RBBP7: variants seen among roughly 807,000 people sequenced by gnomAD.
RBBP7 encodes the protein RB binding protein 7, chromatin remodeling factor.
In RBBP7, 5 loss-of-function variants were observed where a neutral mutation model predicts 35.2. The observed-to-expected ratio is 0.14, with a 90% CI of 0.07 to 0.30. RBBP7 has a LOEUF of 0.30. RBBP7 is among the 10% of genes least tolerant of loss of function. The probability of loss-of-function intolerance (pLI) is 1.00; values close to 1 mark genes in which losing one functional copy is unlikely to be tolerated. For missense variants in RBBP7, 155 were observed against 327.5 expected (o/e 0.47, Z 4.07); for synonymous variants, 140 against 118.7 (o/e 1.18, Z -1.17).
intron 6 of RBBP7, chrX:16,853,124 G>A: frequency 2.6e-6 from 1 of 386,522 alleles, no homozygotes; most frequent in Non-Finnish European, 4.4e-6. Flanking sequence ...TATTTCAAGT[G>A]TACACAAAAT....
intron 1 of RBBP7, chrX:16,869,594 C>G: frequency 8.6e-7 from 1 of 1,165,928 alleles, no homozygotes; most frequent in South Asian, 1.9e-5. Flanking sequence ...CTCTCCAATC[C>G]CCATCAGGGG....
chrX:16,856,542 AAAC>A lies in RBBP7; in HGVS notation c.597+1049_597+1051del, dbSNP rs79869612. On this transcript the variant is annotated intron_variant, in intron 5 of 11. Transcript: ENST00000380087. ...CAGACTCCGTCTCAAAAAACAAACA[AAAC>A]AACAACAACAACAACAACAACAAAA... 6.8e-4 allele frequency among the ~76,000 whole-genome samples: 73 copies of A among 106,899 alleles called. 1 individual carries two copies. The highest frequency in any genetic ancestry group is 1.3e-3 in the African/African-American group (40 of 29,799). The allele number at this position is 106,899 out of a possible 115,157, so 92.8% of individuals were successfully genotyped here.
At position 16,869,342 on chromosome X, in the gene RBBP7, G is replaced by C. The variant is rs189262734; in HGVS notation, c.17-122C>G. 1.3e-4 allele frequency: 142 copies of C among 1,060,525 alleles called. 1 individual carries two copies. In the East Asian group the frequency reaches 3.6e-3, roughly 27 times the overall value. 87.4% of individuals were successfully genotyped at this position (1,060,525 alleles called of 1,213,427 possible). A position where few individuals can be genotyped will look rare whatever the true frequency, so the allele number is the denominator to read the frequency against. On this transcript the variant is annotated intron_variant, in intron 1 of 11. Coordinates refer to ENST00000380087, the MANE Select transcript of RBBP7 (RefSeq NM_002893.4). Reference sequence around the variant, plus strand: ...TTCCTTTTACCTCTAATTTGGACACGGACAACTAACTGCTCTTCCAGAAGG... The same window carrying C: ...TTCCTTTTACCTCTAATTTGGACACCGACAACTAACTGCTCTTCCAGAAGG...
chrX:16,846,212 C>A, intron 10 of RBBP7: 1 of 215,603 alleles, frequency 4.6e-6, no homozygotes, highest in African/African-American at 2.9e-5. Flanking sequence ...TATCCATGAG[C>A]CTATACAATG....
intron 1 of RBBP7, chrX:16,869,496 G>C (rs1930715076): frequency 8.6e-7 from 1 of 1,166,997 alleles, no homozygotes; most frequent in African/African-American, 1.8e-5. Context: ...GTTCGCACCT[G>C]TTCTAAGATG....
intron 5 of RBBP7, among the ~76,000 whole-genome samples, chrX:16,855,906 G>A (rs2147519789): frequency 1.0e-5 from 1 of 98,156 alleles, no homozygotes; most frequent in African/African-American, 3.8e-5. Context: ...CTGAGGTAGA[G>A]AACCACTAGA....
intron 4 of RBBP7, 150 bp from the exon 5 acceptor site, chrX:16,857,859 C>T (rs1049739945): frequency 1.6e-5 from 13 of 830,163 alleles, no homozygotes; most frequent in African/African-American, 1.5e-4. Context: ...GCCTCATGAC[C>T]ATTAGATGAT....
In RBBP7 at chrX:16,853,743, C is replaced by A; in HGVS notation, c.697G>T (p.Ala233Ser). The A allele has an allele frequency of 8.4e-7, 1 of 1,192,579 alleles. No individual in the cohort carries two copies. Among genetic ancestry groups the A allele is most frequent in the Non-Finnish European group, 1.1e-6 (1 of 887,370 alleles). Residue 233 changes from alanine (A) to serine (S), a missense_variant, in exon 6 of 12, where the codon GCC becomes TCC. Ala to Ser is a moderately conservative substitution (Grantham distance 99, BLOSUM62 1). Transcript: ENST00000380087. ...AATGACTCGTGCAGCAGGTGCCAGGCCACATCCTCTACAACAGCTGAGTGG... is the reference window on the plus strand; with the variant it reads ...AATGACTCGTGCAGCAGGTGCCAGGACACATCCTCTACAACAGCTGAGTGG... ...TGHSAVVEDV[A>S]WHLLHESLFG...
chrX:16,846,169 A>AT (rs1291622653), intron 10 of RBBP7: 4 of 357,623 alleles, frequency 1.1e-5, no homozygotes, highest in Non-Finnish European at 1.7e-5. Context: ...CTTTACCTAG[A>AT]TTCACCAAGT....
intron 1 of RBBP7, 164 bp downstream of exon 1, chrX:16,869,874 G>A (rs113369180): frequency 3.8e-5 from 31 of 821,031 alleles, no homozygotes; most frequent in Non-Finnish European, 4.5e-5. Flanking sequence ...TCGGCGCGGC[G>A]GTCCCGTCCC....
intron 9 of RBBP7, among the ~76,000 whole-genome samples, chrX:16,850,876 A>T (rs1352629077): frequency 8.9e-6 from 1 of 112,211 alleles, no homozygotes; most frequent in Admixed American, 9.5e-5. Flanking sequence ...AGGCGGGAGA[A>T]TCACGTGGGG....
Position 16,857,862 on chromosome X carries a change from T to C in RBBP7, c.482-153A>G, listed in dbSNP as rs191601275. On this transcript the variant is annotated intron_variant, in intron 4 of 11. Coordinates refer to ENST00000380087, the MANE Select transcript of RBBP7 (RefSeq NM_002893.4). ...AATGCAAATTGAGCCTCATGACCATTAGATGATTGGTTTCTTTGGAAAACC... is the reference window on the plus strand; with the variant it reads ...AATGCAAATTGAGCCTCATGACCATCAGATGATTGGTTTCTTTGGAAAACC... 2.7e-5 allele frequency among the ~76,000 whole-genome samples: 3 copies of C among 112,008 alleles called. No individual in the cohort carries two copies. The Admixed American group carries it at 2.8e-4, about 11-fold the overall frequency.
intron 3 of RBBP7, among the ~76,000 whole-genome samples, chrX:16,859,340 G>A (rs980332406): frequency 1.8e-5 from 2 of 111,914 alleles, no homozygotes; most frequent in Non-Finnish European, 3.8e-5. Flanking sequence ...AGAAACCCAC[G>A]CTAACCCCTA....
chrX:16,857,494 TTA>T, intron 5 of RBBP7, 98 bp downstream of exon 5: 3 of 1,129,950 alleles, frequency 2.7e-6, no homozygotes, highest in Non-Finnish European at 3.5e-6. Flanking sequence ...ATCAGCAGTA[TTA>T]TCTTAGAAAA....
In RBBP7 at chrX:16,844,453, C is replaced by T. The variant is rs1277123217; in HGVS notation, c.*582G>A. ...AAAGACATTTTGTAGAGATTTTTCA[C>T]TAATGTGAATCTGATTTTATCTACT... On this transcript the variant is annotated 3_prime_UTR_variant, in exon 12 of 12. Transcript: ENST00000380087. The T allele has an allele frequency of 1.8e-5, 2 of 111,766 alleles. No individual in the cohort carries two copies. The highest frequency in any genetic ancestry group is 6.5e-5 in the African/African-American group (2 of 30,676). 9.2% of individuals were successfully genotyped at this position (111,766 alleles called of 1,213,427 possible).
At position 16,852,837 on chromosome X, in the gene RBBP7, T is replaced by C; in HGVS notation, c.797A>G (p.His266Arg). 1 of 1,211,796 alleles carries C rather than the reference T, an allele frequency of 8.3e-7. No homozygotes were observed. Among genetic ancestry groups the C allele is most frequent in the Non-Finnish European group, 1.1e-6 (1 of 895,575 alleles). ...TTCGGCAGTGTGCGCATCCACCAAGTGACTCGGCTTGGAGGTGGTATTGGA... is the reference window on the plus strand; with the variant it reads ...TTCGGCAGTGTGCGCATCCACCAAGCGACTCGGCTTGGAGGTGGTATTGGA... The part of the protein sequence containing the change: ...TRSNTTSKPS[H>R]LVDAHTAEVN... Residue 266 changes from histidine to arginine, a missense_variant, in exon 7 of 12, where the codon CAC (histidine) becomes CGC (arginine). His to Arg is a conservative substitution (Grantham distance 29). This residue lies in a region of RBBP7 where 79 missense variants were observed against 220.8 expected (regional missense o/e 0.36). Transcript: ENST00000380087.
chrX:16,859,969 G>GT (rs1339607424), intron 3 of RBBP7, among the ~76,000 whole-genome samples: 1 of 110,876 alleles, frequency 9.0e-6, no homozygotes. Flanking sequence ...TGAAAAAACC[G>GT]TATCTCAAAT....
At chrX:16,853,223 T>C (rs1930253639) in intron 6 of RBBP7, 1 of 215,192 alleles carries the variant, frequency 4.6e-6, no homozygotes, top group African/African-American at 2.8e-5. Flanking sequence ...GCCTCAGGTA[T>C]TTCTTTATAA....
At chrX:16,851,999 C>G in intron 9 of RBBP7, 47 bp downstream of exon 9, 1 of 1,077,127 alleles carries the variant, frequency 9.3e-7, no homozygotes, top group Non-Finnish European at 1.3e-6. Flanking sequence ...TGTAACTTGC[C>G]AGATAGGCAC....
Sources: gnomAD v4.1 joint callset for allele counts (sites outside exome capture counted in the v4.1 genomes callset) on GRCh38, gnomAD v4.1.1 for gene constraint, gnomAD v4.1.1 regional missense constraint, MANE v1.5 for transcripts, NCBI Gene and HGNC (gene_info 2026-07-23, HGNC 2026-07-21) for gene names.